TMEM232: variants seen among roughly 807,000 people sequenced by gnomAD.
TMEM232 encodes transmembrane protein 232.
In TMEM232, 80 loss-of-function variants were observed where a neutral mutation model predicts 78.8. The ratio of observed to expected loss-of-function variants is 1.01; its 90% confidence interval spans 0.85 to 1.22. The LOEUF is 1.22. Ranked by LOEUF, TMEM232 falls within the 50% of genes most tolerant of loss-of-function variation. TMEM232 has a pLI of 0.00. For synonymous variants in TMEM232, 297 were observed against 254.3 expected (o/e 1.17, Z -1.60); for missense variants, 881 against 742.2 (o/e 1.19, Z -2.17).
At chr5:110,436,178 T>A (rs543399066) in intron 12 of TMEM232, among the ~76,000 whole-genome samples, 27 of 152,012 alleles carry the variant, frequency 1.8e-4, no homozygotes, top group Non-Finnish European at 2.5e-4. Context: ...TATCTCGTTG[T>A]AGTTTTGATT....
intron 5 of TMEM232, among the ~76,000 whole-genome samples, chr5:110,635,399 T>C (rs758177994): frequency 2.6e-5 from 4 of 151,780 alleles, no homozygotes; most frequent in Non-Finnish European, 4.4e-5. Context: ...AACTACAGGC[T>C]AATATCCCTA....
At chr5:110,600,230 C>A (rs546188655) in intron 10 of TMEM232, among the ~76,000 whole-genome samples, 20 of 152,140 alleles carry the variant, frequency 1.3e-4, no homozygotes, top group African/African-American at 4.3e-4. Context: ...AAAATCAACA[C>A]CCTAACATCA....
intron 12 of TMEM232, among the ~76,000 whole-genome samples, chr5:110,505,999 C>T (rs913717095): frequency 6.6e-6 from 1 of 152,132 alleles, no homozygotes; most frequent in Non-Finnish European, 1.5e-5. Context: ...AAATCAGACT[C>T]GCATATCTAA....
chr5:110,493,967 TC>T (rs899462491), intron 12 of TMEM232, among the ~76,000 whole-genome samples: 12 of 151,990 alleles, frequency 7.9e-5, no homozygotes, highest in African/African-American at 2.9e-4. Context: ...TGTGTGATGT[TC>T]CCCTGCCTGT....
intron 2 of TMEM232, among the ~76,000 whole-genome samples, chr5:110,650,083 C>T (rs72773131): frequency 0.085 from 12,963 of 152,060 alleles, 577 homozygotes; most frequent in Admixed American, 0.12. Flanking sequence ...ACTGGTACTA[C>T]TATCATGAAA....
intron 11 of TMEM232, among the ~76,000 whole-genome samples, chr5:110,533,207 G>T (rs977328565): frequency 2.0e-5 from 3 of 152,136 alleles, no homozygotes; most frequent in African/African-American, 4.8e-5. Flanking sequence ...CTGCCGCAAG[G>T]CTTCACAGAC....
At chr5:110,427,846 GTTTTTTA>G (rs1340073088) in intron 12 of TMEM232, among the ~76,000 whole-genome samples, 1 of 151,334 alleles carries the variant, frequency 6.6e-6, no homozygotes, top group African/African-American at 2.4e-5. Context: ...TTAATTTTTT[GTTTTTTA>G]TTTTTTTGGG....
chr5:110,640,209 C>A (rs1580461946), intron 4 of TMEM232, among the ~76,000 whole-genome samples: 3 of 152,134 alleles, frequency 2.0e-5, no homozygotes, highest in African/African-American at 7.2e-5. Flanking sequence ...ACCATAAAGG[C>A]AAGTTAAATA....
intron 1 of TMEM232, among the ~76,000 whole-genome samples, chr5:110,699,465 G>A (rs536219831): frequency 7.9e-5 from 12 of 152,054 alleles, no homozygotes; most frequent in African/African-American, 2.7e-4. Flanking sequence ...AGTTTAATTT[G>A]GCCAAAATGG....
downstream of TMEM232, among the ~76,000 whole-genome samples, chr5:110,415,259 T>C (rs1207541022): frequency 1.3e-5 from 2 of 150,986 alleles, no homozygotes; most frequent in African/African-American, 4.9e-5. Flanking sequence ...GCGATCTCGG[T>C]TCACTGCAAG....
In TMEM232 at chr5:110,528,944, T is replaced by C. The variant is rs1771020574; in HGVS notation, c.1456-109A>G. On this transcript the variant is annotated intron_variant, in intron 11 of 13. Transcript: ENST00000455884. ...TATCTTTATTTTCTTTGACTAATAT[T>C]GCATTTTTCCTGTTAAGTAAAAATA... The C allele has an allele frequency of 5.8e-6, 6 of 1,030,370 alleles. No individual in the cohort carries two copies. In the South Asian group the frequency reaches 1.9e-4, roughly 32 times the overall value. 63.8% of individuals were successfully genotyped at this position (1,030,370 alleles called of 1,614,324 possible). A position where few individuals can be genotyped will look rare whatever the true frequency, so the allele number is the denominator to read the frequency against.
intron 1 of TMEM232, among the ~76,000 whole-genome samples, chr5:110,710,463 TATTTCTGATGTATATTGATGC>T (rs1230298161): frequency 6.6e-6 from 1 of 152,090 alleles, no homozygotes; most frequent in Non-Finnish European, 1.5e-5. Context: ...TACAGGCCAA[TATTTCTGATGTATATTGATGC>T]AAAAATCCTC....
intron 12 of TMEM232, among the ~76,000 whole-genome samples, chr5:110,445,887 G>C (rs533526863): frequency 6.6e-6 from 1 of 152,210 alleles, no homozygotes; most frequent in East Asian, 1.9e-4. Context: ...GTCCCTAAGA[G>C]AGAAATTACA....
chr5:110,728,672 TGACAA>T (rs1295503546), upstream of TMEM232, among the ~76,000 whole-genome samples: 2 of 151,090 alleles, frequency 1.3e-5, no homozygotes, highest in South Asian at 2.1e-4. Flanking sequence ...ATTGAAGTTT[TGACAA>T]GACAAATCTA....
chr5:110,393,174 AAGTT>A (rs1331192188), intron 3 of TMEM232, among the ~76,000 whole-genome samples: 1 of 152,212 alleles, frequency 6.6e-6, no homozygotes, highest in Non-Finnish European at 1.5e-5. Context: ...CAATTAGGTG[AAGTT>A]AGTTGATAGT....
intron 11 of TMEM232, among the ~76,000 whole-genome samples, chr5:110,560,780 C>T (rs879529381): frequency 1.3e-5 from 2 of 152,152 alleles, no homozygotes; most frequent in Non-Finnish European, 2.9e-5. Context: ...TCCAGCAATC[C>T]ATGCTGAGCC....
At chr5:110,651,765 G>C (rs1788340265) in intron 2 of TMEM232, among the ~76,000 whole-genome samples, 2 of 152,028 alleles carry the variant, frequency 1.3e-5, no homozygotes, top group African/African-American at 2.4e-5. Context: ...CTTGGTTATG[G>C]GGTGGGGCAA....
rs1330500695 is a variant in TMEM232 at position 110,625,411 on chromosome 5, T to C, written c.624A>G (p.Ser208=). The change falls in exon 7 of 14, where the codon TCA becomes TCG. Residue 208 remains serine (S), a synonymous_variant. Coordinates refer to ENST00000455884, the MANE Select transcript of TMEM232 (RefSeq NM_001039763.4). The part of the protein sequence containing the change: ...YLYALSFSGA[S]YHKYPNIFSN... ...AAAAGATGTTTGGATACTTGTGATA[T>C]GATGCTCCAGAGAAAGAAAGTGCTA... 3.3e-5 allele frequency: 51 copies of C among 1,532,184 alleles called. No individual in the cohort carries two copies. The highest frequency in any genetic ancestry group is 4.2e-5 in the Non-Finnish European group (48 of 1,137,428). 94.9% of individuals were successfully genotyped at this position (1,532,184 alleles called of 1,614,324 possible).
intron 11 of TMEM232, among the ~76,000 whole-genome samples, chr5:110,538,910 A>G (rs1311904328): frequency 6.6e-6 from 1 of 152,174 alleles, no homozygotes; most frequent in Non-Finnish European, 1.5e-5. Context: ...AATGGAAGGA[A>G]AGCCGCAAAC....
Sources: gnomAD v4.1 joint callset for allele counts (sites outside exome capture counted in the v4.1 genomes callset) on GRCh38, gnomAD v4.1.1 for gene constraint, MANE v1.5 for transcripts, NCBI Gene and HGNC (gene_info 2026-07-23, HGNC 2026-07-21) for gene names.